The following ZC3H4 variants were observed in gnomAD, a reference collection of about 807,000 sequenced individuals.
ZC3H4 encodes the protein zinc finger CCCH domain-containing protein 4.
Under a neutral mutation model 108.3 loss-of-function variants are expected in ZC3H4, and 13 were observed. That is an observed-to-expected ratio of 0.12 (90% confidence interval 0.08 to 0.19). The LOEUF (loss-of-function observed/expected upper bound fraction) is 0.19. Among genes scored for constraint, ZC3H4 ranks in the 10% least tolerant of loss-of-function variants. ZC3H4 has a pLI of 1.00. For missense variants in ZC3H4, 1,734 were observed against 1,838.8 expected, an observed-to-expected ratio of 0.94 and a Z score of 1.04; for synonymous variants, 917 against 749.6, an observed-to-expected ratio of 1.22 and a Z score of -3.65.
intron 10 of ZC3H4, 22 bp from the exon 11 acceptor site, chr19:47,081,644 A>G: frequency 6.2e-7 from 1 of 1,601,542 alleles, no homozygotes; most frequent in Non-Finnish European, 8.6e-7. Flanking sequence ...ATTAAGGTAA[A>G]TGCTTCATCT....
At position 47,111,681 on chromosome 19, in the gene ZC3H4, G is replaced by A. The variant is rs939430397; in HGVS notation, c.161+743C>T. On this transcript the variant is annotated intron_variant, in intron 2 of 14. Transcript: ENST00000253048. ...TGGGGTTTTCATCAAAAGGGCTGGA[G>A]ATGCATCTCCCCCCTCCCCAATTCG... Among the ~76,000 whole-genome samples, 8 of 152,158 alleles carry A rather than the reference G, an allele frequency of 5.3e-5. No individual in the cohort carries two copies. The South Asian group carries it at 1.5e-3, about 28-fold the overall frequency.
rs1241743063 is a variant in ZC3H4, at chr19:47,065,774, G to A, written c.*582C>T. On this transcript the variant is annotated 3_prime_UTR_variant, in exon 15 of 15. Coordinates refer to ENST00000253048, the MANE Select transcript of ZC3H4 (RefSeq NM_015168.2). Reference sequence around the variant, plus strand: ...AGGGAGCCCCCATAGTGCCGCTGGGGGCTTTTTCCTTAATACCTTTTCACT... The same window carrying A: ...AGGGAGCCCCCATAGTGCCGCTGGGAGCTTTTTCCTTAATACCTTTTCACT... The A allele has an allele frequency of 6.6e-6, 1 of 152,656 alleles. No individual in the cohort carries two copies. The highest frequency in any genetic ancestry group is 1.5e-5 in the Non-Finnish European group (1 of 68,294). The allele number at this position is 152,656 out of a possible 1,614,324, so 9.5% of individuals were successfully genotyped here.
At chr19:47,088,759 G>A (rs2057678012) in intron 5 of ZC3H4, among the ~76,000 whole-genome samples, 1 of 152,154 alleles carries the variant, frequency 6.6e-6, no homozygotes, top group Non-Finnish European at 1.5e-5. Flanking sequence ...TCAAGTAGCT[G>A]GGACTATCCA....
chr19:47,064,762 C>T lies in ZC3H4; in HGVS notation c.*1594G>A, dbSNP rs941975901. On this transcript the variant is annotated 3_prime_UTR_variant, in exon 15 of 15. Transcript: ENST00000253048. Reference sequence around the variant, plus strand: ...AAAAAAGACAAAAAGACAAACCAACCAACCAGATCCCAGCACTGACCCCTC... The same window carrying T: ...AAAAAAGACAAAAAGACAAACCAACTAACCAGATCCCAGCACTGACCCCTC... 1.3e-5 allele frequency: 2 copies of T among 151,132 alleles called. No individual in the cohort carries two copies. The highest frequency in any genetic ancestry group is 1.3e-4 in the Admixed American group (2 of 15,132). 9.4% of individuals were successfully genotyped at this position (151,132 alleles called of 1,614,324 possible). A position where few individuals can be genotyped will look rare whatever the true frequency, so the allele number is the denominator to read the frequency against.
intron 2 of ZC3H4, among the ~76,000 whole-genome samples, chr19:47,106,793 A>G (rs568525569): frequency 1.5e-4 from 23 of 152,238 alleles, no homozygotes; most frequent in Non-Finnish European, 2.8e-4. Flanking sequence ...GGGCTCCAAG[A>G]AAAGCCGGGG....
intron 4 of ZC3H4, among the ~76,000 whole-genome samples, chr19:47,091,140 C>T (rs2057724825): frequency 1.3e-5 from 2 of 152,122 alleles, no homozygotes; most frequent in South Asian, 4.1e-4. Context: ...GAGTGTGGGG[C>T]AGGCACCTGT....
intron 2 of ZC3H4, among the ~76,000 whole-genome samples, chr19:47,107,744 G>C (rs945722897): frequency 3.3e-5 from 5 of 151,274 alleles, no homozygotes; most frequent in African/African-American, 1.2e-4. Flanking sequence ...CAACTACTAA[G>C]AGTCACCCCA....
At chr19:47,077,238 G>A (rs1208541439) in intron 11 of ZC3H4, among the ~76,000 whole-genome samples, 2 of 151,194 alleles carry the variant, frequency 1.3e-5, no homozygotes, top group African/African-American at 2.4e-5. Context: ...TGGGAGGCCT[G>A]CGGGTGGATC....
chr19:47,088,910 G>A (rs1369676369), intron 5 of ZC3H4, among the ~76,000 whole-genome samples: 3 of 151,918 alleles, frequency 2.0e-5, no homozygotes, highest in Admixed American at 2.0e-4. Context: ...AAGAAAGACT[G>A]CTAGAAGAAC....
intron 11 of ZC3H4, among the ~76,000 whole-genome samples, chr19:47,079,380 CT>C (rs546892078): frequency 5.9e-3 from 789 of 134,712 alleles, no homozygotes; most frequent in Middle Eastern, 0.011. Context: ...TTTCTTTTTA[CT>C]TTTTTTTTTT....
At chr19:47,075,039 C>T (rs780294516) in intron 11 of ZC3H4, among the ~76,000 whole-genome samples, 1 of 152,184 alleles carries the variant, frequency 6.6e-6, no homozygotes, top group Non-Finnish European at 1.5e-5. Flanking sequence ...AACAGCAAGG[C>T]GGACAGAAAC....
chr19:47,069,376 G>A (rs1158938355), intron 13 of ZC3H4, 33 bp from the exon 14 acceptor site: 2 of 1,599,324 alleles, frequency 1.3e-6, no homozygotes, highest in Admixed American at 3.5e-5. Flanking sequence ...GTTCATGTCG[G>A]GAAGGGCCTC....
intron 4 of ZC3H4, 134 bp downstream of exon 4, chr19:47,093,836 G>C: frequency 3.1e-6 from 2 of 642,106 alleles, no homozygotes; most frequent in Non-Finnish European, 5.1e-6. Flanking sequence ...TCATAAAATG[G>C]GGATTAAATT....
At chr19:47,074,737 G>A (rs1368604120) in intron 11 of ZC3H4, among the ~76,000 whole-genome samples, 1 of 152,248 alleles carries the variant, frequency 6.6e-6, no homozygotes, top group South Asian at 2.1e-4. Context: ...AAAACCCTGG[G>A]CGCTGAGCAA....
Position 47,066,545 on chromosome 19 carries a change from G to T in ZC3H4, c.3723C>A (p.Ala1241=), listed in dbSNP as rs759281514. The change falls in exon 15 of 15, where the codon GCC becomes GCA. Residue 1241 remains alanine, a synonymous_variant. Transcript: ENST00000253048. ...ATTATPPPEG[A]PPQPGVHNLP... ...GGTTGTGCACCCCGGGCTGGGGTGGGGCACCCTCGGGGGGTGGGGTGGCGG... is the reference window on the plus strand; with the variant it reads ...GGTTGTGCACCCCGGGCTGGGGTGGTGCACCCTCGGGGGGTGGGGTGGCGG... 6.4e-7 allele frequency: 1 copy of T among 1,570,612 alleles called. No individual in the cohort carries two copies. The highest frequency in any genetic ancestry group is 1.3e-5 in the African/African-American group (1 of 74,554).
intron 14 of ZC3H4, 50 bp downstream of exon 14, chr19:47,069,042 C>T (rs1422449162): frequency 6.2e-7 from 1 of 1,600,076 alleles, no homozygotes. Context: ...CGCCGCTCCC[C>T]TGCACAGCGG....
rs750428230 is a variant in ZC3H4, at chr19:47,090,151, C to T, written c.531G>A (p.Leu177=). 13 of 1,614,082 alleles carry T rather than the reference C, an allele frequency of 8.1e-6. No homozygotes were observed. Among genetic ancestry groups the T allele is most frequent in the Non-Finnish European group, 8.5e-6 (10 of 1,180,042 alleles). The change falls in exon 5 of 15, where the codon CTG becomes CTA. Residue 177 remains leucine, a synonymous_variant. Transcript: ENST00000253048. ...CCATCTTGGAGTATGCCTTCTTGGG[C>T]AGGGGCGTGGCATGCGATGGGGGGT... ...QQYPPSHATP[L]PKKAYSKMDS... is the part of the protein sequence containing the mutation.
At chr19:47,081,438 G>C in intron 11 of ZC3H4, 75 bp downstream of exon 11, 3 of 1,174,374 alleles carry the variant, frequency 2.6e-6, no homozygotes, top group Non-Finnish European at 3.8e-6. Context: ...GGACAGGCAG[G>C]CCACAGCACT....
chr19:47,096,733 G>C (rs976508345), intron 2 of ZC3H4: 1 of 896,430 alleles, frequency 1.1e-6, no homozygotes, highest in Admixed American at 6.2e-5. Context: ...GGATAAAGCT[G>C]AGAGGGACAT....
Sources: gnomAD v4.1 joint callset for allele counts (sites outside exome capture counted in the v4.1 genomes callset) on GRCh38, gnomAD v4.1.1 for gene constraint, MANE v1.5 for transcripts, NCBI Gene and HGNC (gene_info 2026-07-23, HGNC 2026-07-21) for gene names.